ATG12: variants seen among roughly 807,000 people sequenced by gnomAD.
ATG12 encodes autophagy related 12.
Under a neutral mutation model 17.6 loss-of-function variants are expected in ATG12, and 19 were observed. The ratio of observed to expected loss-of-function variants is 1.08; its 90% CI spans 0.75 to 1.58. The LOEUF (loss-of-function observed/expected upper bound fraction) is 1.58. ATG12 is among the 40% of genes most tolerant of loss of function. The pLI is 0.00. For missense variants in ATG12, 214 were observed against 162.0 expected (o/e 1.32, Z -1.74); for synonymous variants, 75 against 62.4 (o/e 1.20, Z -0.95).
At position 115,837,682 on chromosome 5, in the gene ATG12, T is replaced by C. The variant is rs374168002; in HGVS notation, c.246A>G (p.Gln82=). 99 of 1,613,616 alleles carry C rather than the reference T, an allele frequency of 6.1e-5. No homozygotes were observed. The South Asian group carries it at 8.5e-4, about 14-fold the overall frequency. ...ACTTTTTGATGAAGTCAATGAGTCC[T>C]TGGATGGTTCGTGTTCGCTCTACTG... is the stretch of plus-strand genomic sequence containing the variant. ...KWAVERTRTI[Q]GLIDFIKKFL... The change falls in exon 2 of 4, where the codon CAA becomes CAG. Residue 82 remains glutamine, a synonymous_variant. Transcript: ENST00000509910.
chr5:115,841,536 T>G lies in ATG12; in HGVS notation c.17A>C (p.Gln6Pro), dbSNP rs143399481. 1.7e-5 allele frequency: 28 copies of G among 1,613,460 alleles called. No individual in the cohort carries two copies. The highest frequency in any genetic ancestry group is 1.1e-4 in the African/African-American group (8 of 74,824). Reference sequence around the variant, plus strand: ...TGAAGTAGGAAGCTGCAACACAGACTGCGGCTCCTCCGCCATCTTGCTTGG... The same window carrying G: ...TGAAGTAGGAAGCTGCAACACAGACGGCGGCTCCTCCGCCATCTTGCTTGG... MAEEP[Q>P]SVLQLPTSIA... Residue 6 changes from glutamine to proline, a missense_variant, in exon 1 of 4, where the codon CAG becomes CCG. Physicochemically the swap from Gln to Pro is moderately conservative, Grantham distance 76. Coordinates refer to ENST00000509910, the MANE Select transcript of ATG12 (RefSeq NM_004707.4).
chr5:115,832,872 A>G (rs898232470), intron 2 of ATG12: 1 of 434,726 alleles, frequency 2.3e-6, no homozygotes, highest in Non-Finnish European at 4.1e-6. Flanking sequence ...ACACAATTCC[A>G]GTTCCTAGAA....
At chr5:115,839,122 C>CAAAAAA (rs35189719) in intron 1 of ATG12, 1 of 104,006 alleles carries the variant, frequency 9.6e-6, no homozygotes, top group African/African-American at 3.8e-5. Context: ...GACATCCTCT[C>CAAAAAA]AAAAAAAAAA....
Position 115,841,401 on chromosome 5 carries a change from G to C in ATG12, c.152C>G (p.Thr51Ser). Residue 51 changes from threonine (T) to serine (S), a missense_variant, in exon 1 of 4, where the codon ACC (threonine) becomes AGC (serine). Physicochemically the swap from Thr to Ser is moderately conservative, Grantham distance 58. Coordinates refer to ENST00000509910, the MANE Select transcript of ATG12 (RefSeq NM_004707.4). ...SPGTEEPAGD[T>S]KKKIDILLKA... Reference sequence around the variant, plus strand: ...ATAAATTCAGTTACTTTTTTTCTTGGTGTCGCCAGCAGGTTCCTCTGTTCC... The same window carrying C: ...ATAAATTCAGTTACTTTTTTTCTTGCTGTCGCCAGCAGGTTCCTCTGTTCC... 6.2e-7 allele frequency: 1 copy of C among 1,611,396 alleles called. No homozygotes were observed. The highest frequency in any genetic ancestry group is 1.3e-5 in the African/African-American group (1 of 74,548).
chr5:115,839,267 C>T, intron 1 of ATG12: 1 of 152,028 alleles, frequency 6.6e-6, no homozygotes. Context: ...GCCAAAAGAT[C>T]AGAGGTCATT....
chr5:115,832,597 TTTACC>T lies in ATG12; in HGVS notation c.363_363+4del. Reference sequence around the variant, plus strand: ...TTTTTTTTTTTTTTTTTTTTTTTTTTTTACCTCATAGAGAGTTCCAACTTCTTGGT... The same window carrying T: ...TTTTTTTTTTTTTTTTTTTTTTTTTTTCATAGAGAGTTCCAACTTCTTGGT... On this transcript the variant is annotated splice_donor_variant and splice_donor_region_variant and coding_sequence_variant and intron_variant, in exon 3 of 4. Transcript: ENST00000509910. LOFTEE classifies it high-confidence loss of function. 1 of 1,379,196 alleles carries T rather than the reference TTTACC, an allele frequency of 7.3e-7. No individual in the cohort carries two copies. The highest frequency in any genetic ancestry group is 1.6e-5 in the African/African-American group (1 of 63,494). 85.4% of individuals were successfully genotyped at this position (1,379,196 alleles called of 1,614,324 possible). A position where few individuals can be genotyped will look rare whatever the true frequency, so the allele number is the denominator to read the frequency against.
At chr5:115,841,074 A>ACCCCCCCCCCCCCCCCCCCCCC in intron 1 of ATG12, 1 of 358,796 alleles carries the variant, frequency 2.8e-6, no homozygotes, top group Non-Finnish European at 5.2e-6. Context: ...AATTACCGAG[A>ACCCCCCCCCCCCCCCCCCCCCC]CCCCCCTCCC....
Position 115,828,818 on chromosome 5 carries a change from C to T in ATG12, c.*2986G>A, listed in dbSNP as rs1251365411. The T allele has an allele frequency of 6.6e-6, 1 of 152,170 alleles. No homozygotes were observed. The highest frequency in any genetic ancestry group is 2.4e-5 in the African/African-American group (1 of 41,452). 9.4% of individuals were successfully genotyped at this position (152,170 alleles called of 1,614,324 possible). A position where few individuals can be genotyped will look rare whatever the true frequency, so the allele number is the denominator to read the frequency against. On this transcript the variant is annotated 3_prime_UTR_variant, in exon 4 of 4. Coordinates refer to ENST00000509910, the MANE Select transcript of ATG12 (RefSeq NM_004707.4). ...AGATAAAAACCAGAATAACTGGACA[C>T]ATGGCTCTGAGGCAGTATGCAATAA...
chr5:115,841,459 G>A lies in ATG12; in HGVS notation c.94C>T (p.Pro32Ser), dbSNP rs144061719. ...LTDVSPETTT[P>S]EPPSSAAVSP... ...ACTGCAGCGGAAGACGGGGGCTCCGGGGTGGTTGTTTCTGGGGAGACATCC... is the reference window on the plus strand; with the variant it reads ...ACTGCAGCGGAAGACGGGGGCTCCGAGGTGGTTGTTTCTGGGGAGACATCC... Residue 32 changes from proline to serine, a missense_variant, in exon 1 of 4, where the codon CCG (proline) becomes TCG (serine). Pro to Ser is a moderately conservative substitution (Grantham distance 74). Transcript: ENST00000509910. 11 of 1,611,164 alleles carry A rather than the reference G, an allele frequency of 6.8e-6. No homozygotes were observed. The highest frequency in any genetic ancestry group is 3.4e-5 in the Admixed American group (2 of 58,860).
At chr5:115,840,821 G>T in intron 1 of ATG12, 2 of 1,232,242 alleles carry the variant, frequency 1.6e-6, no homozygotes, top group Non-Finnish European at 2.1e-6. Context: ...AACTCACAAA[G>T]GTTCCAAAAT....
chr5:115,837,514 T>A lies in ATG12; in HGVS notation c.300+114A>T, dbSNP rs1320291324. 5 of 1,103,972 alleles carry A rather than the reference T, an allele frequency of 4.5e-6. No individual in the cohort carries two copies. The Admixed American group carries it at 7.0e-5, about 16-fold the overall frequency. The allele number at this position is 1,103,972 out of a possible 1,614,324, so 68.4% of individuals were successfully genotyped here. A position where few individuals can be genotyped will look rare whatever the true frequency, so the allele number is the denominator to read the frequency against. ...ATAAAAATAAAGGGATAAAAGGGCATAACAAAAGCGACATATGTGGCTCCA... is the reference window on the plus strand; with the variant it reads ...ATAAAAATAAAGGGATAAAAGGGCAAAACAAAAGCGACATATGTGGCTCCA... On this transcript the variant is annotated intron_variant, in intron 2 of 3. Transcript: ENST00000509910.
intron 3 of ATG12, 29 bp downstream of exon 3, chr5:115,832,571 CTT>C (rs35310189): frequency 0.085 from 67,002 of 785,602 alleles, 59 homozygotes; most frequent in Non-Finnish European, 0.092. Context: ...TAATTTCTTT[CTT>C]TTTTTTTTTT....
At chr5:115,840,862 T>G in intron 1 of ATG12, 1 of 1,278,800 alleles carries the variant, frequency 7.8e-7, no homozygotes, top group Non-Finnish European at 1.0e-6. Context: ...ATCTATGCCT[T>G]TAGCTTTCCC....
intron 1 of ATG12, among the ~76,000 whole-genome samples, chr5:115,840,027 T>C (rs999815817): frequency 6.6e-6 from 1 of 152,212 alleles, no homozygotes; most frequent in Non-Finnish European, 1.5e-5. Context: ...CAGAGTCAAG[T>C]AACAAGTTTT....
At position 115,837,637 on chromosome 5, in the gene ATG12, T is replaced by C. The variant is rs990095868; in HGVS notation, c.291A>G (p.Ser97=). ...ACCATTGGTTTCATACCAACTGTTCTGAGGCCACAAGTTTAAGAAACTTTT... is the reference window on the plus strand; with the variant it reads ...ACCATTGGTTTCATACCAACTGTTCCGAGGCCACAAGTTTAAGAAACTTTT... ...FIKKFLKLVA[S]EQLFIYVNQS... The change falls in exon 2 of 4, where the codon TCA becomes TCG. Residue 97 remains serine (S), a synonymous_variant. Coordinates refer to ENST00000509910, the MANE Select transcript of ATG12 (RefSeq NM_004707.4). 8 of 1,611,318 alleles carry C rather than the reference T, an allele frequency of 5.0e-6. No homozygotes were observed. In the African/African-American group the frequency reaches 1.1e-4, roughly 22 times the overall value.
Position 115,828,853 on chromosome 5 carries a change from T to C in ATG12, c.*2951A>G, listed in dbSNP as rs1454539429. The C allele has an allele frequency of 6.6e-6, 1 of 152,226 alleles. No individual in the cohort carries two copies. Among genetic ancestry groups the C allele is most frequent in the Non-Finnish European group, 1.5e-5 (1 of 68,024 alleles). The allele number at this position is 152,226 out of a possible 1,614,324, so 9.4% of individuals were successfully genotyped here. ...AGGCAGTATGCAATAAGTGATTTAA[T>C]AGTGGTAGTTTGCTCTAAGTGTTTT... On this transcript the variant is annotated 3_prime_UTR_variant, in exon 4 of 4. Coordinates refer to ENST00000509910, the MANE Select transcript of ATG12 (RefSeq NM_004707.4).
intron 1 of ATG12, 94 bp from the exon 2 acceptor site, chr5:115,837,858 A>G (rs1008515629): frequency 1.5e-4 from 159 of 1,030,814 alleles, no homozygotes; most frequent in Middle Eastern, 4.3e-4. Context: ...TATTTAATCT[A>G]CATCCATCTT....
chr5:115,830,492 C>T lies in ATG12; in HGVS notation c.*1312G>A, dbSNP rs904144838. On this transcript the variant is annotated 3_prime_UTR_variant, in exon 4 of 4. Coordinates refer to ENST00000509910, the MANE Select transcript of ATG12 (RefSeq NM_004707.4). ...TACTTTGAATTCTACTACATACCATCTTAGATCCTGTTTTGAAATTCCATT... is the reference window on the plus strand; with the variant it reads ...TACTTTGAATTCTACTACATACCATTTTAGATCCTGTTTTGAAATTCCATT... 1 of 152,092 alleles carries T rather than the reference C, an allele frequency of 6.6e-6. No individual in the cohort carries two copies. The highest frequency in any genetic ancestry group is 2.4e-5 in the African/African-American group (1 of 41,404). 9.4% of individuals were successfully genotyped at this position (152,092 alleles called of 1,614,324 possible).
rs1580558168 is a variant in ATG12, at chr5:115,828,292, A to G, written c.*3512T>C. 1 of 152,292 alleles carries G rather than the reference A, an allele frequency of 6.6e-6. No individual in the cohort carries two copies. The highest frequency in any genetic ancestry group is 1.9e-4 in the East Asian group (1 of 5,188). 9.4% of individuals were successfully genotyped at this position (152,292 alleles called of 1,614,324 possible). On this transcript the variant is annotated 3_prime_UTR_variant, in exon 4 of 4. Coordinates refer to ENST00000509910, the MANE Select transcript of ATG12 (RefSeq NM_004707.4). The stretch of plus-strand genomic sequence containing the variant: ...ATGACAGGTTATACGAACAAACTGA[A>G]GTTTATACTTACGTTTCAAGGTTTT...
Sources: allele counts gnomAD v4.1 joint callset (sites outside exome capture counted in the v4.1 genomes callset), GRCh38; gene constraint gnomAD v4.1.1; transcripts MANE v1.5; gene names NCBI Gene and HGNC (gene_info 2026-07-23, HGNC 2026-07-21).